Variants in GPR89A observed in about 807,000 individuals in gnomAD.
GPR89A encodes golgi pH regulator A.
GPR89A carries 16 observed loss-of-function variants against 52.0 expected under a neutral mutation model. The ratio of observed to expected loss-of-function variants is 0.31; its 90% CI spans 0.21 to 0.47. The LOEUF is 0.47. GPR89A is among the 20% of genes least tolerant of loss of function. The pLI, the probability that GPR89A is intolerant of heterozygous loss-of-function variation, is 1.00. For missense variants in GPR89A, 135 were observed against 449.4 expected (o/e 0.30, Z 6.33); for synonymous variants, 55 against 150.9 (o/e 0.36, Z 4.66).
At chr1:145,615,567 GTAT>G (rs1553686819) in intron 1 of GPR89A, among the ~76,000 whole-genome samples, 1 of 147,868 alleles carries the variant, frequency 6.8e-6, no homozygotes, top group African/African-American at 2.5e-5. Flanking sequence ...GGCCAGGCTG[GTAT>G]TATTTTTAAA....
chr1:145,652,467 T>C (rs1651519138), intron 10 of GPR89A, among the ~76,000 whole-genome samples: 1 of 131,822 alleles, frequency 7.6e-6, no homozygotes, highest in Non-Finnish European at 1.6e-5. Context: ...CTTTTTTTGT[T>C]GTTGTATCTC....
intron 5 of GPR89A, among the ~76,000 whole-genome samples, chr1:145,626,949 CAA>C (rs1559030224): frequency 1.6e-5 from 2 of 126,628 alleles, no homozygotes; most frequent in Non-Finnish European, 3.2e-5. Flanking sequence ...CGAGACTCTA[CAA>C]AAAAAAAAAA....
At chr1:145,665,387 T>C (rs1652486261) in intron 11 of GPR89A, among the ~76,000 whole-genome samples, 175 bp from the exon 12 acceptor site, 1 of 152,112 alleles carries the variant, frequency 6.6e-6, no homozygotes, top group Admixed American at 6.5e-5. Flanking sequence ...CTGCAGTCTT[T>C]CTGTAGTTGT....
At chr1:145,664,444 G>A (rs1652419217) in intron 11 of GPR89A, among the ~76,000 whole-genome samples, 2 of 152,052 alleles carry the variant, frequency 1.3e-5, no homozygotes, top group South Asian at 4.1e-4. Flanking sequence ...GAGTCCAGGA[G>A]TTCAAGACCA....
At position 145,670,467 on chromosome 1, in the gene GPR89A, T is replaced by G. The variant is rs1374887700; in HGVS notation, c.*427T>G. ...CATTAAAATCAGAGACTGTAACACT[T>G]TTGCCTTACGTTCATTTTATCAAGC... is the stretch of plus-strand genomic sequence containing the variant. On this transcript the variant is annotated 3_prime_UTR_variant, in exon 14 of 14. Coordinates refer to ENST00000313835, the MANE Select transcript of GPR89A (RefSeq NM_001097612.2). 3 of 284,008 alleles carry G rather than the reference T, an allele frequency of 1.1e-5. No homozygotes were observed. Among genetic ancestry groups the G allele is most frequent in the Non-Finnish European group, 2.0e-5 (3 of 148,010 alleles). The allele number at this position is 284,008 out of a possible 1,614,324, so 17.6% of individuals were successfully genotyped here. A position where few individuals can be genotyped will look rare whatever the true frequency, so the allele number is the denominator to read the frequency against.
intron 3 of GPR89A, 141 bp from the exon 4 acceptor site, chr1:145,622,913 T>C (rs1173885353): frequency 7.6e-7 from 1 of 1,315,116 alleles, no homozygotes; most frequent in Non-Finnish European, 1.0e-6. Context: ...AATGAGTAGA[T>C]TTTAAGAGCC....
intron 7 of GPR89A, among the ~76,000 whole-genome samples, chr1:145,634,626 A>T (rs1484833377): frequency 4.7e-5 from 7 of 150,432 alleles, no homozygotes; most frequent in African/African-American, 1.7e-4. Context: ...TGAATCCTTG[A>T]TCTAAAACTT....
Position 145,608,278 on chromosome 1 carries a change from T to C in GPR89A, c.42+103T>C, listed in dbSNP as rs1420587109. ...GCTGGTCCGGGGTCTCGCTCCTCTCTTACGCGTCCTGCGCTAGTCACTCTG... is the reference window on the plus strand; with the variant it reads ...GCTGGTCCGGGGTCTCGCTCCTCTCCTACGCGTCCTGCGCTAGTCACTCTG... On this transcript the variant is annotated intron_variant, in intron 1 of 13. Coordinates refer to ENST00000313835, the MANE Select transcript of GPR89A (RefSeq NM_001097612.2). 17 of 1,485,272 alleles carry C rather than the reference T, an allele frequency of 1.1e-5. 1 individual carries two copies. Among genetic ancestry groups the C allele is most frequent in the Middle Eastern group, 3.5e-4 (2 of 5,662 alleles). 92.0% of individuals were successfully genotyped at this position (1,485,272 alleles called of 1,614,324 possible).
intron 1 of GPR89A, among the ~76,000 whole-genome samples, chr1:145,609,013 G>T (rs1269251550): frequency 6.6e-6 from 1 of 152,022 alleles, no homozygotes; most frequent in Non-Finnish European, 1.5e-5. Flanking sequence ...TGTTTTTTGA[G>T]ATCCTGCCTT....
chr1:145,649,323 C>T (rs1220247382), intron 10 of GPR89A, among the ~76,000 whole-genome samples: 7 of 152,122 alleles, frequency 4.6e-5, no homozygotes, highest in African/African-American at 1.7e-4. Flanking sequence ...AGTCCCCAGA[C>T]GACTGCCAAT....
intron 10 of GPR89A, among the ~76,000 whole-genome samples, chr1:145,654,562 A>AAAAC (rs1651687724): frequency 6.8e-6 from 1 of 147,334 alleles, no homozygotes; most frequent in East Asian, 2.0e-4. Context: ...ACAAAAAAAA[A>AAAAC]AAAAAAAAAC....
chr1:145,657,697 T>G (rs1399921845), intron 10 of GPR89A, among the ~76,000 whole-genome samples: 2 of 150,626 alleles, frequency 1.3e-5, no homozygotes, highest in Non-Finnish European at 3.0e-5. Context: ...GTTATCTATT[T>G]CTTCTTGAGT....
intron 10 of GPR89A, among the ~76,000 whole-genome samples, chr1:145,654,710 A>C (rs1369628705): frequency 6.6e-6 from 1 of 150,906 alleles, no homozygotes; most frequent in Non-Finnish European, 1.5e-5. Context: ...CTTCATTTCG[A>C]CCTTGGAGAA....
At chr1:145,635,711 T>C (rs1169539685) in intron 7 of GPR89A, among the ~76,000 whole-genome samples, 1 of 152,162 alleles carries the variant, frequency 6.6e-6, no homozygotes, top group Non-Finnish European at 1.5e-5. Flanking sequence ...GACCGGGTAC[T>C]CATGCCTGTA....
Position 145,652,942 on chromosome 1 carries a change from AT to A in GPR89A, c.909+5682del, listed in dbSNP as rs587596739. ...AAAAAACTGGCTCCTGGATTCGTTG[AT>A]TTTTTTGAAGGGTTTTTCGTGCTCT... On this transcript the variant is annotated intron_variant, in intron 10 of 13. Transcript: ENST00000313835. Among the ~76,000 whole-genome samples the A allele has an allele frequency of 3.2e-3, 352 of 111,344 alleles. 4 individuals are homozygous for A. Among genetic ancestry groups the A allele is most frequent in the African/African-American group, 0.017 (325 of 19,158 alleles). 73.0% of individuals were successfully genotyped at this position (111,344 alleles called of 152,430 possible).
chr1:145,615,745 C>G (rs1437861640), intron 1 of GPR89A, among the ~76,000 whole-genome samples: 1 of 148,328 alleles, frequency 6.7e-6, no homozygotes, highest in Non-Finnish European at 1.5e-5. Context: ...CATGCCTCAG[C>G]CTTTGGAGTA....
intron 10 of GPR89A, among the ~76,000 whole-genome samples, chr1:145,648,794 T>A: frequency 1.4e-3 from 1 of 708 alleles, no homozygotes; most frequent in Admixed American, 0.023. Context: ...TAGGGAAGCA[T>A]GTTCTTTTTT....
At chr1:145,649,039 C>T (rs1553693125) in intron 10 of GPR89A, among the ~76,000 whole-genome samples, 2 of 146,880 alleles carry the variant, frequency 1.4e-5, no homozygotes, top group African/African-American at 2.5e-5. Flanking sequence ...CTCCTGACCT[C>T]GTGATCCGCC....
In GPR89A at chr1:145,659,562, C is replaced by T. The variant is rs1188601326; in HGVS notation, c.910-3767C>T. On this transcript the variant is annotated intron_variant, in intron 10 of 13. Transcript: ENST00000313835. ...TTTACATTCCTGTCAGCAGGGGATGCGTGCTCCAATTTCTCCACATCCCCA... is the reference window on the plus strand; with the variant it reads ...TTTACATTCCTGTCAGCAGGGGATGTGTGCTCCAATTTCTCCACATCCCCA... Among the ~76,000 whole-genome samples, 802 of 144,882 alleles carry T rather than the reference C, an allele frequency of 5.5e-3. 2 individuals carry two copies. Among genetic ancestry groups the T allele is most frequent in the Non-Finnish European group, 9.9e-3 (658 of 66,540 alleles).
Sources: gnomAD v4.1 joint callset for allele counts (sites outside exome capture counted in the v4.1 genomes callset) on GRCh38, gnomAD v4.1.1 for gene constraint, MANE v1.5 for transcripts, NCBI Gene and HGNC (gene_info 2026-07-23, HGNC 2026-07-21) for gene names.